The following AK8 variants were observed in gnomAD, a reference collection of about 807,000 sequenced individuals.
AK8 encodes the protein ATP-AMP transphosphorylase 8.
In AK8, 44 loss-of-function variants were observed where a neutral mutation model predicts 54.6. That is an observed-to-expected ratio of 0.81 (90% CI 0.63 to 1.04). AK8 has a LOEUF of 1.04. Among genes scored for constraint, AK8 ranks in the 50% least tolerant of loss-of-function variants. The pLI, the probability that AK8 is intolerant of heterozygous loss-of-function variation, is 0.00. For synonymous variants in AK8, 239 were observed against 245.6 expected, an observed-to-expected ratio of 0.97 and a Z score of 0.25; for missense variants, 555 against 613.6, an observed-to-expected ratio of 0.90 and a Z score of 1.01.
intron 5 of AK8, among the ~76,000 whole-genome samples, chr9:132,847,204 G>A (rs1842786664): frequency 1.3e-5 from 2 of 152,358 alleles, no homozygotes; most frequent in South Asian, 4.1e-4. Flanking sequence ...TGGGTCACAG[G>A]TGGTTTGGGG....
At chr9:132,828,603 G>T (rs202160426) in intron 6 of AK8, 42 bp downstream of exon 6, 6 of 1,572,534 alleles carry the variant, frequency 3.8e-6, no homozygotes, top group Non-Finnish European at 5.2e-6. Context: ...ACCCCTTGGG[G>T]CTGCAGCTCT....
intron 11 of AK8, among the ~76,000 whole-genome samples, chr9:132,739,601 A>C (rs1047420191): frequency 6.7e-6 from 1 of 150,300 alleles, no homozygotes; most frequent in African/African-American, 2.4e-5. Context: ...TTGTTTTTTA[A>C]GTCAACTTCA....
rs143517862 is a variant in AK8, at chr9:132,752,834, C to T, written c.1122-25300G>A. On this transcript the variant is annotated intron_variant, in intron 11 of 12. Coordinates refer to ENST00000298545, the MANE Select transcript of AK8 (RefSeq NM_152572.3). ...CCTCAGAGGCACCTTCCCCCACCAGCGCATCCAAACCAGTCAGCTTGCCCC... is the reference window on the plus strand; with the variant it reads ...CCTCAGAGGCACCTTCCCCCACCAGTGCATCCAAACCAGTCAGCTTGCCCC... 3.3e-5 allele frequency among the ~76,000 whole-genome samples: 5 copies of T among 152,102 alleles called. No homozygotes were observed. In the East Asian group the frequency reaches 7.8e-4, roughly 24 times the overall value.
intron 11 of AK8, 144 bp downstream of exon 11, chr9:132,792,490 A>G: frequency 8.3e-7 from 1 of 1,203,134 alleles, no homozygotes; most frequent in Admixed American, 3.0e-5. Context: ...GGCAGATGGG[A>G]TGGGTGGGAA....
At chr9:132,769,000 G>T (rs1391317181) in intron 11 of AK8, 1 of 150,496 alleles carries the variant, frequency 6.6e-6, no homozygotes, top group Non-Finnish European at 1.5e-5. Flanking sequence ...TAGAGTGAGT[G>T]CAATACAGTT....
At chr9:132,825,507 A>G (rs1841833566) in intron 8 of AK8, among the ~76,000 whole-genome samples, 1 of 152,242 alleles carries the variant, frequency 6.6e-6, no homozygotes, top group Admixed American at 6.5e-5. Flanking sequence ...TTTGTTACTA[A>G]TGACCCTTCC....
intron 11 of AK8, among the ~76,000 whole-genome samples, chr9:132,764,014 A>G (rs1288505689): frequency 1.3e-5 from 2 of 152,252 alleles, no homozygotes; most frequent in East Asian, 1.9e-4. Context: ...TAAAGATCAG[A>G]GCAGGCTAGG....
chr9:132,727,726 C>T (rs577725566), intron 11 of AK8, 192 bp from the exon 12 acceptor site: 3 of 397,504 alleles, frequency 7.5e-6, no homozygotes, highest in Non-Finnish European at 1.4e-5. Flanking sequence ...CTGTGTCCCC[C>T]CAACCGCCTC....
At chr9:132,876,888 G>A (rs1022183819) in intron 1 of AK8, among the ~76,000 whole-genome samples, 8 of 151,616 alleles carry the variant, frequency 5.3e-5, no homozygotes, top group East Asian at 1.9e-4. Context: ...GCAAGACCTC[G>A]TCTGTACTAA....
intron 2 of AK8, 56 bp downstream of exon 2, chr9:132,875,059 A>G: frequency 1.2e-6 from 2 of 1,603,050 alleles, no homozygotes; most frequent in South Asian, 1.1e-5. Context: ...GAAGAAGGGG[A>G]AGGAGGAGGA....
intron 5 of AK8, among the ~76,000 whole-genome samples, chr9:132,838,223 G>A (rs949268626): frequency 6.6e-6 from 1 of 150,618 alleles, no homozygotes; most frequent in Non-Finnish European, 1.5e-5. Context: ...TATGGGCAGG[G>A]AAGCATAAAT....
intron 9 of AK8, among the ~76,000 whole-genome samples, chr9:132,816,100 T>A (rs961733394): frequency 6.6e-6 from 1 of 152,134 alleles, no homozygotes; most frequent in Admixed American, 6.5e-5. Context: ...ATGCCTGTAA[T>A]CCCAGGACTT....
At chr9:132,744,489 C>T (rs888525979) in intron 11 of AK8, among the ~76,000 whole-genome samples, 3 of 151,618 alleles carry the variant, frequency 2.0e-5, no homozygotes, top group East Asian at 3.9e-4. Context: ...GGTCAGATCA[C>T]GCAGGTGTCA....
intron 5 of AK8, among the ~76,000 whole-genome samples, chr9:132,839,066 C>A (rs553533559): frequency 1.5e-3 from 222 of 152,208 alleles, no homozygotes; most frequent in South Asian, 0.01. Flanking sequence ...GCCTCAGCCT[C>A]CTAAGTAGTT....
chr9:132,827,151 C>T, intron 7 of AK8, 97 bp from the exon 8 acceptor site: 1 of 1,266,420 alleles, frequency 7.9e-7, no homozygotes, highest in Admixed American at 1.8e-5. Flanking sequence ...GGAGGCCAGG[C>T]CCTACACATT....
rs115150506 is a variant in AK8 at position 132,823,469 on chromosome 9, T to G, written c.758-133A>C. The G allele has an allele frequency of 7.2e-5, 92 of 1,280,950 alleles. No individual in the cohort carries two copies. In the African/African-American group the frequency reaches 1.3e-3, roughly 18 times the overall value. 79.3% of individuals were successfully genotyped at this position (1,280,950 alleles called of 1,614,324 possible). On this transcript the variant is annotated intron_variant, in intron 8 of 12. Transcript: ENST00000298545. ...TTCACAGCACCATGGAAGCCCTCTG[T>G]GCATCTGGCGAAGAGGCAGGGAAAA...
chr9:132,842,000 TC>T (rs918351545), intron 5 of AK8, among the ~76,000 whole-genome samples: 17 of 151,766 alleles, frequency 1.1e-4, no homozygotes. Flanking sequence ...GGTGTAGGAG[TC>T]CAAGGCCAAA....
intron 11 of AK8, among the ~76,000 whole-genome samples, chr9:132,762,805 G>C (rs1355949382): frequency 6.6e-6 from 1 of 152,162 alleles, no homozygotes; most frequent in Non-Finnish European, 1.5e-5. Context: ...TTGCACCCAG[G>C]AGGCGAAGTT....
At chr9:132,755,216 T>C (rs1444873310) in intron 11 of AK8, among the ~76,000 whole-genome samples, 4 of 152,214 alleles carry the variant, frequency 2.6e-5, no homozygotes, top group African/African-American at 7.2e-5. Context: ...CAGGTTTTCA[T>C]ATTTTCCATG....
Sources: gnomAD v4.1 joint callset for allele counts (sites outside exome capture counted in the v4.1 genomes callset) on GRCh38, gnomAD v4.1.1 for gene constraint, MANE v1.5 for transcripts, NCBI Gene and HGNC (gene_info 2026-07-23, HGNC 2026-07-21) for gene names.